The following PARD3B variants were observed in gnomAD, a reference collection of about 807,000 sequenced individuals.
The protein encoded by PARD3B is partitioning defective 3 homolog B.
Under a neutral mutation model 130.2 loss-of-function variants are expected in PARD3B, and 103 were observed. The observed-to-expected ratio is 0.79, with a 90% CI of 0.67 to 0.93. The LOEUF is 0.93. Among genes scored for constraint, PARD3B ranks in the 40% least tolerant of loss-of-function variants. PARD3B has a pLI of 0.00. For missense variants in PARD3B, 1,609 were observed against 1,499.2 expected (o/e 1.07, Z -1.21); for synonymous variants, 583 against 553.2 (o/e 1.05, Z -0.76).
chr2:205,154,799 G>GA (rs1274007917), intron 10 of PARD3B, among the ~76,000 whole-genome samples: 1 of 152,138 alleles, frequency 6.6e-6, no homozygotes, highest in Non-Finnish European at 1.5e-5. Context: ...CGCAAGGACA[G>GA]AAAACCACAC....
At chr2:205,311,739 C>T (rs1365337939) in intron 18 of PARD3B, among the ~76,000 whole-genome samples, 2 of 152,142 alleles carry the variant, frequency 1.3e-5, no homozygotes, top group Non-Finnish European at 2.9e-5. Flanking sequence ...TTTGGGTCAC[C>T]CCTTTCTCAA....
intron 15 of PARD3B, among the ~76,000 whole-genome samples, chr2:205,199,621 A>G (rs1027166759): frequency 1.3e-5 from 2 of 152,176 alleles, no homozygotes; most frequent in Admixed American, 1.3e-4. Flanking sequence ...TTTTTAAAGC[A>G]TGAAAAAGAA....
intron 1 of PARD3B, among the ~76,000 whole-genome samples, chr2:204,605,462 A>G (rs1393095613): frequency 6.6e-6 from 1 of 152,126 alleles, no homozygotes; most frequent in Admixed American, 6.5e-5. Context: ...TTTTACTTTG[A>G]TCCGTTTTAT....
intron 2 of PARD3B, among the ~76,000 whole-genome samples, chr2:204,724,513 A>T (rs1385104969): frequency 6.6e-6 from 1 of 152,086 alleles, no homozygotes; most frequent in Admixed American, 6.6e-5. Context: ...TTCAGTATAA[A>T]TTTGCTTTTC....
At chr2:205,529,964 G>A (rs190639367) in intron 21 of PARD3B, among the ~76,000 whole-genome samples, 137 of 152,232 alleles carry the variant, frequency 9.0e-4, no homozygotes, top group African/African-American at 3.2e-3. Context: ...CTGGTAGCAT[G>A]AACGAAAAAT....
chr2:205,299,894 A>C (rs77586179), intron 16 of PARD3B, among the ~76,000 whole-genome samples: 6,117 of 152,232 alleles, frequency 0.04, 362 homozygotes, highest in African/African-American at 0.13. Flanking sequence ...TGCTTGCTTG[A>C]TTGATTGATT....
intron 2 of PARD3B, among the ~76,000 whole-genome samples, chr2:204,735,635 A>G (rs376091403): frequency 2.6e-5 from 4 of 152,200 alleles, no homozygotes; most frequent in African/African-American, 7.2e-5. Context: ...GGATTCTTGT[A>G]GGTGGAAAAA....
intron 18 of PARD3B, among the ~76,000 whole-genome samples, chr2:205,337,478 A>T (rs1455989745): frequency 6.6e-6 from 1 of 152,158 alleles, no homozygotes; most frequent in Non-Finnish European, 1.5e-5. Flanking sequence ...TTGACTGTAA[A>T]TCATTTATTA....
intron 19 of PARD3B, among the ~76,000 whole-genome samples, chr2:205,408,824 A>C (rs2046498358): frequency 6.6e-6 from 1 of 152,106 alleles, no homozygotes; most frequent in Non-Finnish European, 1.5e-5. Flanking sequence ...TTTGCAGTAG[A>C]ATTTTCTAGG....
chr2:205,224,606 A>T (rs892984682), intron 15 of PARD3B, among the ~76,000 whole-genome samples: 1 of 122,978 alleles, frequency 8.1e-6, no homozygotes, highest in Non-Finnish European at 1.5e-5. Context: ...TCATCATTCT[A>T]TTCTCTATCT....
intron 18 of PARD3B, among the ~76,000 whole-genome samples, chr2:205,339,150 AT>A (rs541032488): frequency 2.0e-5 from 3 of 152,140 alleles, no homozygotes; most frequent in South Asian, 2.1e-4. Flanking sequence ...TTTATATAGT[AT>A]TTTTTTGTTT....
chr2:204,742,314 C>T (rs916859471), intron 2 of PARD3B, among the ~76,000 whole-genome samples: 1 of 152,130 alleles, frequency 6.6e-6, no homozygotes, highest in Non-Finnish European at 1.5e-5. Context: ...GGGGAATGCA[C>T]TGTCTCTGCC....
intron 2 of PARD3B, among the ~76,000 whole-genome samples, chr2:204,948,097 G>A (rs905702430): frequency 6.6e-6 from 1 of 152,136 alleles, no homozygotes; most frequent in African/African-American, 2.4e-5. Flanking sequence ...ATACATATGT[G>A]TTGGTATGTG....
At chr2:205,079,049 A>G (rs986062599) in intron 4 of PARD3B, among the ~76,000 whole-genome samples, 1 of 152,190 alleles carries the variant, frequency 6.6e-6, no homozygotes, top group Non-Finnish European at 1.5e-5. Flanking sequence ...CCTTTCCTGA[A>G]TCCCTGACCC....
chr2:205,147,204 C>A (rs187579737), intron 10 of PARD3B, among the ~76,000 whole-genome samples: 3 of 152,114 alleles, frequency 2.0e-5, no homozygotes, highest in East Asian at 1.9e-4. Context: ...TATAAAATTT[C>A]TATTTGTTAT....
At chr2:204,823,449 T>C (rs990846205) in intron 2 of PARD3B, among the ~76,000 whole-genome samples, 6 of 151,998 alleles carry the variant, frequency 3.9e-5, no homozygotes, top group Non-Finnish European at 7.4e-5. Context: ...AATATGGAGA[T>C]GAAAGGTAAC....
intron 19 of PARD3B, among the ~76,000 whole-genome samples, chr2:205,406,659 C>CTTTT (rs777517284): frequency 2.3e-5 from 2 of 87,462 alleles, no homozygotes; most frequent in Non-Finnish European, 2.2e-5. Context: ...TCTTGTGTAT[C>CTTTT]TTTTTTTTTT....
rs77831823 is a variant in PARD3B at position 204,783,793 on chromosome 2, C to A, written c.222+97511C>A. Among the ~76,000 whole-genome samples, 1,123 of 152,180 alleles carry A rather than the reference C, an allele frequency of 7.4e-3. 12 individuals are homozygous for A. The highest frequency in any genetic ancestry group is 0.026 in the African/African-American group (1,061 of 41,516). Reference sequence around the variant, plus strand: ...GCAGCCTGGCTTCAGGGTCCATATCCTTACCTATTAGCTATTCTGCCTCTA... The same window carrying A: ...GCAGCCTGGCTTCAGGGTCCATATCATTACCTATTAGCTATTCTGCCTCTA... On this transcript the variant is annotated intron_variant, in intron 2 of 22. Coordinates refer to ENST00000406610, the MANE Select transcript of PARD3B (RefSeq NM_001302769.2).
At chr2:205,221,092 A>G (rs1239250418) in intron 15 of PARD3B, among the ~76,000 whole-genome samples, 1 of 152,212 alleles carries the variant, frequency 6.6e-6, no homozygotes, top group African/African-American at 2.4e-5. Flanking sequence ...TTAAATAATT[A>G]CAGTAGCTTT....
Sources: gnomAD v4.1 joint callset for allele counts (sites outside exome capture counted in the v4.1 genomes callset) on GRCh38, gnomAD v4.1.1 for gene constraint, MANE v1.5 for transcripts, NCBI Gene and HGNC (gene_info 2026-07-23, HGNC 2026-07-21) for gene names.